Variants in LGR5 observed in about 807,000 individuals in gnomAD.
LGR5 encodes the protein leucine rich repeat containing G protein-coupled receptor 5, also known as leucine-rich repeat-containing G protein-coupled receptor 5.
In LGR5, 54 loss-of-function variants were observed where a neutral mutation model predicts 76.7. The observed-to-expected ratio is 0.70, with a 90% CI of 0.57 to 0.88. The LOEUF is 0.88. LGR5 is among the 40% of genes least tolerant of loss of function. The probability of loss-of-function intolerance (pLI) is 0.00; values close to 1 mark genes in which losing one functional copy is unlikely to be tolerated. For missense variants in LGR5, 1,078 were observed against 1,073.3 expected (o/e 1.00, Z -0.06); for synonymous variants, 406 against 421.9 (o/e 0.96, Z 0.46).
At chr12:71,556,510 T>A in intron 5 of LGR5, 109 bp from the exon 6 acceptor site, 1 of 762,386 alleles carries the variant, frequency 1.3e-6, no homozygotes, top group South Asian at 1.6e-5. Context: ...ATTGGCTTCT[T>A]ATAAGTAGTG....
In LGR5 at chr12:71,584,792, T is replaced by C; in HGVS notation, c.*58T>C. 1 of 1,525,520 alleles carries C rather than the reference T, an allele frequency of 6.6e-7. No homozygotes were observed. 94.5% of individuals were successfully genotyped at this position (1,525,520 alleles called of 1,614,324 possible). A position where few individuals can be genotyped will look rare whatever the true frequency, so the allele number is the denominator to read the frequency against. On this transcript the variant is annotated 3_prime_UTR_variant, in exon 18 of 18. Coordinates refer to ENST00000266674, the MANE Select transcript of LGR5 (RefSeq NM_003667.4). Reference sequence around the variant, plus strand: ...GAGAACCTGAAAATGTGAGATTGAGTATATCAGAGCAGTAATTAATAAGAA... The same window carrying C: ...GAGAACCTGAAAATGTGAGATTGAGCATATCAGAGCAGTAATTAATAAGAA...
chr12:71,552,166 A>G (rs753091704), intron 4 of LGR5, among the ~76,000 whole-genome samples: 3 of 152,156 alleles, frequency 2.0e-5, no homozygotes, highest in East Asian at 1.9e-4. Context: ...ATGTGTTGAT[A>G]GGTGCAACAA....
chr12:71,498,312 C>A (rs1874428709), intron 1 of LGR5, among the ~76,000 whole-genome samples: 1 of 151,490 alleles, frequency 6.6e-6, no homozygotes, highest in Non-Finnish European at 1.5e-5. Flanking sequence ...GCAGTATAGC[C>A]ATTTGTCCAG....
intron 1 of LGR5, among the ~76,000 whole-genome samples, chr12:71,441,296 C>G (rs1286516662): frequency 6.6e-6 from 1 of 152,180 alleles, no homozygotes; most frequent in African/African-American, 2.4e-5. Flanking sequence ...TCTCCACCCC[C>G]GTGCAAAGCA....
intron 5 of LGR5, among the ~76,000 whole-genome samples, chr12:71,553,573 A>C (rs113114147): frequency 3.4e-4 from 52 of 152,300 alleles, no homozygotes; most frequent in African/African-American, 1.1e-3. Context: ...GAGTCACCGC[A>C]CTGTACAGTT....
At chr12:71,570,270 C>T (rs537789105) in intron 11 of LGR5, among the ~76,000 whole-genome samples, 4 of 152,190 alleles carry the variant, frequency 2.6e-5, no homozygotes, top group Non-Finnish European at 2.9e-5. Context: ...CGTTTACCTA[C>T]GTAACAAACC....
chr12:71,584,104 TC>T lies in LGR5; in HGVS notation c.2098del (p.Leu700CysfsTer40). 6.2e-7 allele frequency: 1 copy of T among 1,614,222 alleles called. No individual in the cohort carries two copies. The highest frequency in any genetic ancestry group is 8.5e-7 in the Non-Finnish European group (1 of 1,180,054). On this transcript the variant is annotated frameshift_variant, in exon 18 of 18. Coordinates refer to ENST00000266674, the MANE Select transcript of LGR5 (RefSeq NM_003667.4). LOFTEE classifies it high-confidence loss of function. ...TGCTGGCCTTGACCATGGCCGCAGT[TC>T]CCCTGCTGGGTGGCAGCAAGTATGG... Reference protein sequence around the residue: ...ALLALTMAAVPLLGGSKYGAS... With the variant: ...ALLALTMAAVXLLGGSKYGAS...
intron 12 of LGR5, among the ~76,000 whole-genome samples, chr12:71,572,458 T>C (rs1203361758): frequency 1.3e-5 from 2 of 152,162 alleles, no homozygotes; most frequent in Non-Finnish European, 2.9e-5. Context: ...ATTTAGTTTT[T>C]CTCTCAATGC....
intron 1 of LGR5, among the ~76,000 whole-genome samples, chr12:71,462,010 A>G (rs1376607970): frequency 6.6e-6 from 1 of 151,954 alleles, no homozygotes; most frequent in African/African-American, 2.4e-5. Flanking sequence ...GGGTTAATAG[A>G]CCCTGTTATC....
intron 1 of LGR5, among the ~76,000 whole-genome samples, chr12:71,473,799 A>G (rs1205317336): frequency 6.6e-6 from 1 of 152,126 alleles, no homozygotes; most frequent in African/African-American, 2.4e-5. Context: ...ACAATTATCT[A>G]TATATCCTTA....
At chr12:71,533,611 T>A (rs1015945279) in intron 3 of LGR5, among the ~76,000 whole-genome samples, 1 of 152,202 alleles carries the variant, frequency 6.6e-6, no homozygotes, top group African/African-American at 2.4e-5. Context: ...TTTCTCTGGC[T>A]CATTAAATTG....
At chr12:71,575,901 C>A (rs374416952) in intron 13 of LGR5, among the ~76,000 whole-genome samples, 2 of 152,256 alleles carry the variant, frequency 1.3e-5, no homozygotes, top group African/African-American at 2.4e-5. Flanking sequence ...TGGAATACTA[C>A]GCAGCCATAA....
intron 1 of LGR5, among the ~76,000 whole-genome samples, chr12:71,482,174 C>A (rs1778554844): frequency 6.6e-6 from 1 of 152,106 alleles, no homozygotes; most frequent in South Asian, 2.1e-4. Context: ...TCATGTGTAC[C>A]AGTCCAGTGA....
intron 1 of LGR5, among the ~76,000 whole-genome samples, chr12:71,465,272 A>T (rs1872818727): frequency 6.6e-6 from 1 of 152,208 alleles, no homozygotes; most frequent in Non-Finnish European, 1.5e-5. Context: ...AGGAGTAAAC[A>T]GGTAAGACTG....
chr12:71,569,714 T>C (rs546163124), intron 11 of LGR5, among the ~76,000 whole-genome samples: 7 of 152,344 alleles, frequency 4.6e-5, no homozygotes, highest in African/African-American at 1.7e-4. Context: ...TTGGTGGGAA[T>C]ATAAATTAGT....
At chr12:71,532,619 G>A (rs1876376573) in intron 3 of LGR5, among the ~76,000 whole-genome samples, 1 of 151,138 alleles carries the variant, frequency 6.6e-6, no homozygotes, top group African/African-American at 2.4e-5. Context: ...ATACATAAAA[G>A]TACTATAAAT....
chr12:71,580,172 T>G, intron 15 of LGR5, 106 bp from the exon 16 acceptor site: 5 of 1,039,204 alleles, frequency 4.8e-6, no homozygotes, highest in Non-Finnish European at 7.0e-6. Context: ...GATTATTTAT[T>G]TAGGCTAAAA....
At chr12:71,490,834 G>A (rs1874036487) in intron 1 of LGR5, among the ~76,000 whole-genome samples, 2 of 152,230 alleles carry the variant, frequency 1.3e-5, no homozygotes, top group African/African-American at 4.8e-5. Flanking sequence ...CTGTTGTAAG[G>A]CCAGTTTTAT....
rs148489805 is a variant in LGR5, at chr12:71,574,820, A to G, written c.1208+1899A>G. Among the ~76,000 whole-genome samples, 39 of 152,202 alleles carry G rather than the reference A, an allele frequency of 2.6e-4. No homozygotes were observed. In the East Asian group the frequency reaches 5.8e-3, roughly 23 times the overall value. On this transcript the variant is annotated intron_variant, in intron 13 of 17. Coordinates refer to ENST00000266674, the MANE Select transcript of LGR5 (RefSeq NM_003667.4). ...CCATTTCACAAGAACAAGATCTTCTATCTTTGGGCCCACTTCACTCAGATG... is the reference window on the plus strand; with the variant it reads ...CCATTTCACAAGAACAAGATCTTCTGTCTTTGGGCCCACTTCACTCAGATG...
Sources: gnomAD v4.1 joint callset for allele counts (sites outside exome capture counted in the v4.1 genomes callset) on GRCh38, gnomAD v4.1.1 for gene constraint, MANE v1.5 for transcripts, NCBI Gene and HGNC (gene_info 2026-07-23, HGNC 2026-07-21) for gene names.